Variants in PDE1C observed in about 807,000 individuals in gnomAD.
The protein encoded by PDE1C is dual specificity calcium/calmodulin-dependent 3',5'-cyclic nucleotide phosphodiesterase 1C.
Under a neutral mutation model 93.1 loss-of-function variants are expected in PDE1C, and 62 were observed. That is an observed-to-expected ratio of 0.67 (90% confidence interval 0.54 to 0.82). PDE1C has a LOEUF of 0.82. PDE1C is among the 40% of genes least tolerant of loss of function. The probability of loss-of-function intolerance (pLI) is 0.00; values close to 1 mark genes in which losing one functional copy is unlikely to be tolerated. For synonymous variants in PDE1C, 325 were observed against 310.1 expected, an observed-to-expected ratio of 1.05 and a Z score of -0.50; for missense variants, 742 against 884.6, an observed-to-expected ratio of 0.84 and a Z score of 2.04.
At chr7:31,780,806 TG>T (rs1783353619) in intron 16 of PDE1C, among the ~76,000 whole-genome samples, 1 of 942 alleles carries the variant, frequency 1.1e-3, no homozygotes, top group African/African-American at 1.3e-3. Flanking sequence ...TGTGCATTTG[TG>T]TGTGTGTGTG....
chr7:31,888,249 C>CAAAAA (rs34112969), intron 2 of PDE1C, among the ~76,000 whole-genome samples: 741 of 41,724 alleles, frequency 0.018, 2 homozygotes, highest in East Asian at 0.023. Context: ...GACTCAGTCT[C>CAAAAA]AAAAAAAAAA....
intron 1 of PDE1C, among the ~76,000 whole-genome samples, chr7:32,325,839 T>C (rs776029766): frequency 3.9e-5 from 6 of 152,264 alleles, no homozygotes; most frequent in Non-Finnish European, 5.9e-5. Context: ...TGAGGAAACA[T>C]TGGAGGGTTC....
chr7:32,396,351 G>T (rs994975121), intron 1 of PDE1C, among the ~76,000 whole-genome samples: 1 of 152,046 alleles, frequency 6.6e-6, no homozygotes, highest in African/African-American at 2.4e-5. Context: ...GGTGGTGCGT[G>T]CCTGTAGTCC....
At chr7:32,274,807 A>C (rs190096853) in intron 1 of PDE1C, among the ~76,000 whole-genome samples, 18 of 152,356 alleles carry the variant, frequency 1.2e-4, no homozygotes, top group Non-Finnish European at 2.5e-4. Flanking sequence ...AAGATGAATC[A>C]GAAAAATAGC....
chr7:32,404,517 C>A (rs764343362), intron 1 of PDE1C, among the ~76,000 whole-genome samples: 12 of 152,020 alleles, frequency 7.9e-5, no homozygotes, highest in Non-Finnish European at 1.6e-4. Context: ...CTCCACCTGG[C>A]TAATTTTTTT....
chr7:32,099,287 T>C (rs1389141399), intron 3 of PDE1C, among the ~76,000 whole-genome samples: 2 of 152,188 alleles, frequency 1.3e-5, no homozygotes, highest in African/African-American at 4.8e-5. Flanking sequence ...TAATAGAAAG[T>C]ACCTACAGGA....
the PDE1C span, among the ~76,000 whole-genome samples, chr7:31,696,299 CAT>C: frequency 2.0e-5 from 3 of 152,166 alleles, no homozygotes; most frequent in Admixed American, 6.5e-5. Flanking sequence ...ACAAATGAAA[CAT>C]AGATCTTTCT....
chr7:31,677,497 A>G, the PDE1C span, among the ~76,000 whole-genome samples: 3 of 152,222 alleles, frequency 2.0e-5, no homozygotes, highest in African/African-American at 7.2e-5. Flanking sequence ...TGAACATTAG[A>G]AAGTCTTTGA....
At chr7:31,622,374 A>C in the PDE1C span, among the ~76,000 whole-genome samples, 1 of 152,158 alleles carries the variant, frequency 6.6e-6, no homozygotes. Flanking sequence ...TCTCCTCAGC[A>C]AATGTAAAAG....
At chr7:31,700,573 C>T in the PDE1C span, among the ~76,000 whole-genome samples, 1 of 152,136 alleles carries the variant, frequency 6.6e-6, no homozygotes, top group Non-Finnish European at 1.5e-5. Flanking sequence ...AGTGGCTACA[C>T]TAAACAATAG....
At chr7:31,879,255 C>T in intron 3 of PDE1C, 77 bp from the exon 4 acceptor site, 1 of 1,388,792 alleles carries the variant, frequency 7.2e-7, no homozygotes, top group Non-Finnish European at 9.8e-7. Context: ...AGCTGCTCCT[C>T]TCTGCCTCAC....
the PDE1C span, among the ~76,000 whole-genome samples, chr7:31,637,694 C>G: frequency 4.6e-5 from 7 of 152,282 alleles, no homozygotes; most frequent in African/African-American, 9.6e-5. Flanking sequence ...GTTGCTTGTT[C>G]ACTCTGATGG....
At chr7:31,920,441 A>AT (rs1329283483) in intron 2 of PDE1C, among the ~76,000 whole-genome samples, 6 of 152,078 alleles carry the variant, frequency 3.9e-5, no homozygotes, top group African/African-American at 1.2e-4. Context: ...GAGGAGACAT[A>AT]TGCTCTTCAT....
chr7:32,407,413 GAGA>G (rs958039480), intron 1 of PDE1C, among the ~76,000 whole-genome samples: 3 of 152,286 alleles, frequency 2.0e-5, no homozygotes, highest in South Asian at 2.1e-4. Flanking sequence ...TAACTTGGAT[GAGA>G]AGAAGAAGCA....
At chr7:31,652,249 T>C in the PDE1C span, among the ~76,000 whole-genome samples, 1 of 152,180 alleles carries the variant, frequency 6.6e-6, no homozygotes, top group Admixed American at 6.5e-5. Context: ...AGAATTCAGT[T>C]CACCTGTCAT....
chr7:32,169,760 C>T lies in PDE1C; in HGVS notation c.308+25G>A, dbSNP rs1281058561. ...AACTCCACAAGCAAATAAGAAGGAA[C>T]ACATTGAGTTGCAATCCACCAAACC... On this transcript the variant is annotated intron_variant, in intron 3 of 18. Transcript: ENST00000396193. The T allele has an allele frequency of 5.0e-6, 8 of 1,603,006 alleles. 1 individual carries two copies. The South Asian group carries it at 8.8e-5, about 18-fold the overall frequency.
chr7:32,288,617 A>G, intron 1 of PDE1C, among the ~76,000 whole-genome samples: 1 of 152,156 alleles, frequency 6.6e-6, no homozygotes. Flanking sequence ...GAGATGACTG[A>G]TTCCTCTCCA....
At chr7:32,059,596 G>A (rs1174154051) in intron 1 of PDE1C, among the ~76,000 whole-genome samples, 1 of 152,148 alleles carries the variant, frequency 6.6e-6, no homozygotes, top group Non-Finnish European at 1.5e-5. Context: ...CATGAGCCTG[G>A]ATTAAAAATT....
rs1285797763 is a variant in PDE1C at position 31,816,139 on chromosome 7, T to G, written c.1598A>C (p.Lys533Thr). 6.2e-7 allele frequency: 1 copy of G among 1,613,724 alleles called. No individual in the cohort carries two copies. The highest frequency in any genetic ancestry group is 8.5e-7 in the Non-Finnish European group (1 of 1,179,896). ...CAGGCGAGCCTTTTCCTCTGCTTCC[T>G]TCTTGGCCTTCTCCTCTGCATCCAT... ...AKVPKEEKAK[K>T]EAEEKARLAA... Residue 533 changes from lysine to threonine, a missense_variant, in exon 15 of 18, where the codon AAG becomes ACG. Physicochemically the swap from Lys to Thr is moderately conservative, Grantham distance 78 (BLOSUM62 -1). Around this residue, in one of 4 missense-constraint regions of PDE1C, gnomAD observed 454 missense variants for 459.4 expected, o/e 0.99. Coordinates refer to ENST00000396191, the MANE Select transcript of PDE1C (RefSeq NM_001191057.4).
Sources: allele counts gnomAD v4.1 joint callset (sites outside exome capture counted in the v4.1 genomes callset), GRCh38; gene constraint gnomAD v4.1.1; regional missense constraint gnomAD v4.1.1; transcripts MANE v1.5; gene names NCBI Gene and HGNC (gene_info 2026-07-23, HGNC 2026-07-21).